Variants in TRPM3 observed in about 807,000 individuals in gnomAD.
TRPM3 encodes transient receptor potential cation channel subfamily M member 3.
A neutral mutation model predicts 181.2 loss-of-function variants in TRPM3; 77 were observed. The ratio of observed to expected loss-of-function variants is 0.42; its 90% CI spans 0.35 to 0.51. TRPM3 has a LOEUF of 0.51. Among genes scored for constraint, TRPM3 ranks in the 20% least tolerant of loss-of-function variants. The pLI, the probability that TRPM3 is intolerant of heterozygous loss-of-function variation, is 0.01. For synonymous variants in TRPM3, 745 were observed against 796.4 expected, an observed-to-expected ratio of 0.94 and a Z score of 1.09; for missense variants, 1,759 against 2,196.7, an observed-to-expected ratio of 0.80 and a Z score of 3.98.
chr9:70,871,292 A>G (rs1360661631), intron 1 of TRPM3, among the ~76,000 whole-genome samples: 2 of 151,958 alleles, frequency 1.3e-5, no homozygotes, highest in African/African-American at 4.8e-5. Flanking sequence ...ATCTTTTTCA[A>G]CTTCCTTCTT....
chr9:70,784,495 C>T (rs1190294422), intron 6 of TRPM3, among the ~76,000 whole-genome samples: 1 of 152,068 alleles, frequency 6.6e-6, no homozygotes, highest in Non-Finnish European at 1.5e-5. Context: ...TGCCCTCTCC[C>T]CTCAACTCTC....
At chr9:70,739,097 A>G (rs2073420669) in intron 8 of TRPM3, among the ~76,000 whole-genome samples, 1 of 152,210 alleles carries the variant, frequency 6.6e-6, no homozygotes, top group Non-Finnish European at 1.5e-5. Flanking sequence ...ATTTCAAAAG[A>G]TAAAGAGGGA....
chr9:71,441,238 C>A (rs893356699), intron 1 of TRPM3, among the ~76,000 whole-genome samples: 70 of 148,170 alleles, frequency 4.7e-4, no homozygotes, highest in African/African-American at 1.6e-3. Context: ...TTTTTTTTTT[C>A]ACACACAAAA....
chr9:71,332,309 C>T (rs2090251150), intron 1 of TRPM3, among the ~76,000 whole-genome samples: 1 of 150,818 alleles, frequency 6.6e-6, no homozygotes, highest in South Asian at 2.1e-4. Flanking sequence ...TTTTTGGATA[C>T]ATCTTTGGCT....
At chr9:70,628,868 A>T (rs149943692) in intron 12 of TRPM3, among the ~76,000 whole-genome samples, 40 of 151,188 alleles carry the variant, frequency 2.6e-4, no homozygotes, top group Non-Finnish European at 4.7e-4. Context: ...TACCAAGCCT[A>T]ACACCTATGT....
intron 1 of TRPM3, among the ~76,000 whole-genome samples, chr9:71,113,829 T>A (rs2071695697): frequency 1.3e-5 from 2 of 152,186 alleles, no homozygotes; most frequent in Non-Finnish European, 2.9e-5. Context: ...TGAGCCAACA[T>A]CTCTTTACTA....
intron 1 of TRPM3, among the ~76,000 whole-genome samples, chr9:71,134,014 T>TGCGCGCAC (rs373984405): frequency 7.1e-6 from 1 of 140,038 alleles, no homozygotes; most frequent in East Asian, 2.3e-4. Flanking sequence ...TGTGTGTGTG[T>TGCGCGCAC]GCGCGTGCGC....
At chr9:70,770,170 C>T (rs2079944166) in intron 7 of TRPM3, among the ~76,000 whole-genome samples, 1 of 152,180 alleles carries the variant, frequency 6.6e-6, no homozygotes, top group African/African-American at 2.4e-5. Context: ...CTTTGGGAGG[C>T]TGAGGTGGCA....
At chr9:70,915,770 T>C (rs2096588271) in intron 1 of TRPM3, among the ~76,000 whole-genome samples, 1 of 149,412 alleles carries the variant, frequency 6.7e-6, no homozygotes, top group Admixed American at 6.7e-5. Context: ...AATCTAAGAG[T>C]TATTGGCCTT....
intron 1 of TRPM3, among the ~76,000 whole-genome samples, chr9:71,275,269 GT>G (rs1358945068): frequency 6.6e-6 from 1 of 152,064 alleles, no homozygotes; most frequent in Non-Finnish European, 1.5e-5. Flanking sequence ...GCTTTAAAAT[GT>G]TTTTTAAGTG....
chr9:70,965,518 T>C (rs1455557742), intron 1 of TRPM3, among the ~76,000 whole-genome samples: 1 of 152,126 alleles, frequency 6.6e-6, no homozygotes, highest in South Asian at 2.1e-4. Context: ...AAACCTCTTC[T>C]GCATTTATTG....
At chr9:70,639,750 CA>C (rs1329075016) in intron 10 of TRPM3, among the ~76,000 whole-genome samples, 1 of 152,100 alleles carries the variant, frequency 6.6e-6, no homozygotes, top group Non-Finnish European at 1.5e-5. Flanking sequence ...CTGGATTTGC[CA>C]ATAGCTTAGA....
chr9:70,820,885 AACAG>A (rs2093109752), intron 6 of TRPM3, among the ~76,000 whole-genome samples: 1 of 152,134 alleles, frequency 6.6e-6, no homozygotes, highest in African/African-American at 2.4e-5. Flanking sequence ...TGTCACTAGC[AACAG>A]ACAAAGACTT....
intron 1 of TRPM3, among the ~76,000 whole-genome samples, chr9:71,149,048 T>C (rs958116024): frequency 1.3e-5 from 2 of 152,028 alleles, no homozygotes; most frequent in Non-Finnish European, 2.9e-5. Flanking sequence ...AGATTAGATC[T>C]AATAAAATGT....
intron 1 of TRPM3, among the ~76,000 whole-genome samples, chr9:71,133,653 A>G (rs2074522332): frequency 6.6e-6 from 1 of 152,066 alleles, no homozygotes; most frequent in South Asian, 2.1e-4. Flanking sequence ...AGTTCTTTTT[A>G]TATTAAGGAC....
At chr9:71,195,972 C>T (rs1189421198) in intron 1 of TRPM3, among the ~76,000 whole-genome samples, 1 of 151,836 alleles carries the variant, frequency 6.6e-6, no homozygotes, top group African/African-American at 2.4e-5. Context: ...TGGAGAGGAG[C>T]CACCCTTTGG....
chr9:71,057,634 A>G (rs894606223), intron 1 of TRPM3, among the ~76,000 whole-genome samples: 5 of 152,058 alleles, frequency 3.3e-5, no homozygotes, highest in Non-Finnish European at 7.4e-5. Flanking sequence ...AAGTGTTATC[A>G]TTTGCCTTTT....
At chr9:71,173,411 G>C (rs529454877) in intron 1 of TRPM3, among the ~76,000 whole-genome samples, 63 of 152,302 alleles carry the variant, frequency 4.1e-4, no homozygotes, top group South Asian at 1.2e-3. Flanking sequence ...GTAAAGTAGA[G>C]AGGAACAAAG....
intron 1 of TRPM3, among the ~76,000 whole-genome samples, chr9:71,096,590 A>ACACACTCTCTCTCTCTCTCTCTCTCT (rs1452142664): frequency 7.8e-5 from 7 of 90,040 alleles, no homozygotes; most frequent in Middle Eastern, 9.6e-3. Context: ...ACACACACAC[A>ACACACTCTCTCTCTCTCTCTCTCTCT]CTCTCTCTCT....
Sources: allele counts gnomAD v4.1 joint callset (sites outside exome capture counted in the v4.1 genomes callset), GRCh38; gene constraint gnomAD v4.1.1; transcripts MANE v1.5; gene names NCBI Gene and HGNC (gene_info 2026-07-23, HGNC 2026-07-21).